Variants in TENM2 observed in about 807,000 individuals in gnomAD.
The protein encoded by TENM2 is teneurin transmembrane protein 2.
A neutral mutation model predicts 245.2 loss-of-function variants in TENM2; 52 were observed. The observed-to-expected ratio is 0.21, with a 90% CI of 0.17 to 0.27. TENM2 has a LOEUF of 0.27. TENM2 is among the 10% of genes least tolerant of loss of function. The pLI is 1.00. For synonymous variants in TENM2, 1,363 were observed against 1,438.9 expected (o/e 0.95, Z 1.19); for missense variants, 3,046 against 3,666.8 (o/e 0.83, Z 4.37).
intron 2 of TENM2, among the ~76,000 whole-genome samples, chr5:167,816,963 T>C (rs1767107506): frequency 6.6e-6 from 1 of 152,206 alleles, no homozygotes; most frequent in Admixed American, 6.5e-5. Flanking sequence ...TGACTCGTAT[T>C]AGAAAGTGAT....
intron 2 of TENM2, among the ~76,000 whole-genome samples, chr5:167,619,093 C>G (rs746566470): frequency 6.6e-6 from 1 of 152,108 alleles, no homozygotes; most frequent in Non-Finnish European, 1.5e-5. Flanking sequence ...TGTTCTAGAT[C>G]TTCCAGTTTT....
chr5:167,906,640 G>A (rs555274833), intron 3 of TENM2, among the ~76,000 whole-genome samples: 2 of 152,298 alleles, frequency 1.3e-5, no homozygotes, highest in East Asian at 3.9e-4. Context: ...ATCTGATGAA[G>A]GCAAGGAGTG....
chr5:168,093,477 A>G (rs1323002660), intron 8 of TENM2, among the ~76,000 whole-genome samples: 1 of 152,208 alleles, frequency 6.6e-6, no homozygotes, highest in African/African-American at 2.4e-5. Flanking sequence ...TCATCAGAAC[A>G]TTCTCCATCA....
At chr5:167,083,918 G>A in the TENM2 span, among the ~76,000 whole-genome samples, 1 of 152,134 alleles carries the variant, frequency 6.6e-6, no homozygotes, top group Non-Finnish European at 1.5e-5. Context: ...GCATGCATGT[G>A]TGTTCAAAGT....
chr5:167,690,933 G>A (rs1197866818), intron 2 of TENM2, among the ~76,000 whole-genome samples: 6 of 94,456 alleles, frequency 6.4e-5, no homozygotes, highest in African/African-American at 2.7e-4. Context: ...ATGTGTGTGT[G>A]TGTGTGTGTG....
At chr5:167,278,688 G>A in the TENM2 span, among the ~76,000 whole-genome samples, 1 of 152,064 alleles carries the variant, frequency 6.6e-6, no homozygotes, top group African/African-American at 2.4e-5. Context: ...AAGTGTGGAA[G>A]CCTTCCCTTC....
At chr5:167,304,143 C>T (rs1157095934) in intron 1 of TENM2, among the ~76,000 whole-genome samples, 3 of 152,166 alleles carry the variant, frequency 2.0e-5, no homozygotes, top group Non-Finnish European at 4.4e-5. Flanking sequence ...AGCTGTGGGA[C>T]TTCCTTGAAT....
the TENM2 span, among the ~76,000 whole-genome samples, chr5:167,132,509 G>T: frequency 6.6e-6 from 1 of 152,162 alleles, no homozygotes; most frequent in Middle Eastern, 3.4e-3. Context: ...CCCCTGAGAA[G>T]AAATGAGAGA....
At chr5:167,248,626 C>CAAT in the TENM2 span, among the ~76,000 whole-genome samples, 1 of 151,836 alleles carries the variant, frequency 6.6e-6, no homozygotes, top group African/African-American at 2.4e-5. Context: ...TGAATTGATG[C>CAAT]TGTGTGTGTG....
At chr5:167,474,315 T>C (rs1241267984) in intron 2 of TENM2, among the ~76,000 whole-genome samples, 1 of 152,168 alleles carries the variant, frequency 6.6e-6, no homozygotes, top group African/African-American at 2.4e-5. Context: ...TCAACGTTTT[T>C]ACCTAATATA....
chr5:167,465,583 G>T (rs1396961018), intron 2 of TENM2, among the ~76,000 whole-genome samples: 1 of 152,156 alleles, frequency 6.6e-6, no homozygotes, highest in Non-Finnish European at 1.5e-5. Flanking sequence ...TAATCCCAGC[G>T]CTTTGGGAGG....
At chr5:167,396,656 C>T (rs1296650709) in intron 2 of TENM2, among the ~76,000 whole-genome samples, 1 of 152,062 alleles carries the variant, frequency 6.6e-6, no homozygotes. Context: ...GGCATGAGGG[C>T]ACAGGGAGGA....
At chr5:167,670,627 A>C (rs1343833285) in intron 2 of TENM2, among the ~76,000 whole-genome samples, 1 of 152,124 alleles carries the variant, frequency 6.6e-6, no homozygotes, top group African/African-American at 2.4e-5. Context: ...CACAGACGAT[A>C]CTGAGAGTCT....
the TENM2 span, among the ~76,000 whole-genome samples, chr5:167,170,832 C>G: frequency 6.6e-6 from 1 of 152,234 alleles, no homozygotes; most frequent in Non-Finnish European, 1.5e-5. Flanking sequence ...CTTACTTGAT[C>G]TACCCCAGGA....
chr5:167,038,039 G>A, the TENM2 span, among the ~76,000 whole-genome samples: 1 of 152,240 alleles, frequency 6.6e-6, no homozygotes, highest in Non-Finnish European at 1.5e-5. Context: ...GAGACCTCCT[G>A]GAAGGCAGAA....
chr5:167,857,981 T>G (rs1771247302), intron 2 of TENM2, among the ~76,000 whole-genome samples: 2 of 152,236 alleles, frequency 1.3e-5, no homozygotes, highest in African/African-American at 4.8e-5. Context: ...AAGTGGTTGA[T>G]CAGGGATATT....
intron 3 of TENM2, among the ~76,000 whole-genome samples, chr5:167,938,882 G>A (rs896467445): frequency 2.0e-5 from 3 of 151,164 alleles, no homozygotes; most frequent in African/African-American, 7.3e-5. Context: ...GGCACAGGTT[G>A]CAGTGAGCCA....
At chr5:167,299,113 T>A (rs1755149602) in intron 1 of TENM2, among the ~76,000 whole-genome samples, 1 of 152,174 alleles carries the variant, frequency 6.6e-6, no homozygotes, top group Non-Finnish European at 1.5e-5. Context: ...TGGCTGAGCC[T>A]GGTGAGGTGT....
chr5:167,578,398 G>A (rs544329087), intron 2 of TENM2, among the ~76,000 whole-genome samples: 24 of 152,304 alleles, frequency 1.6e-4, no homozygotes, highest in African/African-American at 4.3e-4. Context: ...CTGGGGAACG[G>A]AGACTGGCTA....
Sources: gnomAD v4.1 joint callset for allele counts (sites outside exome capture counted in the v4.1 genomes callset) on GRCh38, gnomAD v4.1.1 for gene constraint, MANE v1.5 for transcripts, NCBI Gene and HGNC (gene_info 2026-07-23, HGNC 2026-07-21) for gene names.